CCDC6: variants seen among roughly 807,000 people sequenced by gnomAD.
The protein encoded by CCDC6 is coiled-coil domain-containing protein 6.
CCDC6 carries 20 observed loss-of-function variants against 56.6 expected under a neutral mutation model. The ratio of observed to expected loss-of-function variants is 0.35; its 90% CI spans 0.25 to 0.51. The LOEUF is 0.51. Ranked by LOEUF, CCDC6 falls within the 20% of genes least tolerant of loss-of-function variation. The pLI is 0.95. For synonymous variants in CCDC6, 241 were observed against 234.4 expected, an observed-to-expected ratio of 1.03 and a Z score of -0.26; for missense variants, 367 against 601.1, an observed-to-expected ratio of 0.61 and a Z score of 4.07.
At chr10:59,794,925 C>A (rs1462858259) in intron 7 of CCDC6, among the ~76,000 whole-genome samples, 1 of 152,114 alleles carries the variant, frequency 6.6e-6, no homozygotes, top group Middle Eastern at 3.2e-3. Flanking sequence ...AGGAGTGACA[C>A]TGGACCTTAT....
intron 1 of CCDC6, among the ~76,000 whole-genome samples, chr10:59,853,378 C>T (rs1273195973): frequency 1.3e-5 from 2 of 151,788 alleles, no homozygotes; most frequent in Non-Finnish European, 2.9e-5. Flanking sequence ...ATAAAAAATA[C>T]AAAAAATTAG....
intron 3 of CCDC6, among the ~76,000 whole-genome samples, chr10:59,818,935 T>C (rs926415564): frequency 3.3e-5 from 5 of 152,216 alleles, no homozygotes; most frequent in African/African-American, 1.2e-4. Context: ...GAGGAGGTGC[T>C]CCTTACAATT....
intron 1 of CCDC6, among the ~76,000 whole-genome samples, chr10:59,905,461 T>C (rs986993428): frequency 7.9e-5 from 12 of 152,184 alleles, no homozygotes; most frequent in Non-Finnish European, 1.5e-4. Flanking sequence ...CAGGCGTGGA[T>C]GCTGCACTCT....
chr10:59,891,720 T>C (rs1159653321), intron 1 of CCDC6, among the ~76,000 whole-genome samples: 1 of 152,214 alleles, frequency 6.6e-6, no homozygotes, highest in Admixed American at 6.5e-5. Flanking sequence ...CCCACAACTC[T>C]GATGGATAGA....
At chr10:59,898,663 T>C (rs1406523784) in intron 1 of CCDC6, among the ~76,000 whole-genome samples, 1 of 152,252 alleles carries the variant, frequency 6.6e-6, no homozygotes. Flanking sequence ...ATCCTCGCTA[T>C]GCTACCGGGA....
At chr10:59,885,060 T>TAAC (rs34281702) in intron 1 of CCDC6, among the ~76,000 whole-genome samples, 115,531 of 148,104 alleles carry the variant, frequency 0.78, 45,216 homozygotes, top group East Asian at 0.9. Context: ...CGAGACTCCG[T>TAAC]AACAACAACA....
chr10:59,895,911 T>G (rs1018949840), intron 1 of CCDC6, among the ~76,000 whole-genome samples: 1 of 152,202 alleles, frequency 6.6e-6, no homozygotes, highest in Non-Finnish European at 1.5e-5. Context: ...GCCCTGTGGA[T>G]AGGCGACCAT....
At chr10:59,808,108 T>C (rs2070641986) in intron 5 of CCDC6, among the ~76,000 whole-genome samples, 1 of 152,118 alleles carries the variant, frequency 6.6e-6, no homozygotes, top group Admixed American at 6.5e-5. Context: ...ATCTTGCTTA[T>C]GACAAATACC....
chr10:59,795,027 G>A (rs1490842387), intron 7 of CCDC6, among the ~76,000 whole-genome samples: 1 of 151,756 alleles, frequency 6.6e-6, no homozygotes, highest in Non-Finnish European at 1.5e-5. Flanking sequence ...GAAAATAGGG[G>A]AAAAGCTCCC....
At chr10:59,795,746 G>A (rs546562227) in intron 7 of CCDC6, among the ~76,000 whole-genome samples, 18 of 151,354 alleles carry the variant, frequency 1.2e-4, no homozygotes, top group Admixed American at 8.6e-4. Flanking sequence ...TTGTCCTTGC[G>A]ATAGTTTACT....
chr10:59,816,122 G>A (rs2070707941), intron 3 of CCDC6, among the ~76,000 whole-genome samples: 1 of 152,146 alleles, frequency 6.6e-6, no homozygotes, highest in South Asian at 2.1e-4. Context: ...CAGGAGCACA[G>A]GACAGCCAAT....
intron 1 of CCDC6, among the ~76,000 whole-genome samples, chr10:59,884,820 T>C (rs749557560): frequency 9.2e-5 from 14 of 152,108 alleles, no homozygotes; most frequent in Non-Finnish European, 1.5e-4. Context: ...TCCCAGCACT[T>C]TGGGAGGCCG....
intron 3 of CCDC6, among the ~76,000 whole-genome samples, chr10:59,825,417 TCC>T (rs2070780466): frequency 6.6e-6 from 1 of 152,026 alleles, no homozygotes; most frequent in Non-Finnish European, 1.5e-5. Context: ...CTTCCCCAGC[TCC>T]AAGGAACTAA....
intron 2 of CCDC6, among the ~76,000 whole-genome samples, chr10:59,839,700 A>G (rs958103932): frequency 6.6e-6 from 1 of 152,102 alleles, no homozygotes; most frequent in East Asian, 1.9e-4. Context: ...GCATTCTTTC[A>G]TATCCAGCTT....
chr10:59,869,389 CAAAAAAAAAAAAA>C lies in CCDC6; in HGVS notation c.304-16700_304-16688del, dbSNP rs1167007522. Among the ~76,000 whole-genome samples, 14 of 6,100 alleles carry C rather than the reference CAAAAAAAAAAAAA, an allele frequency of 2.3e-3. No individual in the cohort carries two copies. The South Asian group carries it at 0.062, about 27-fold the overall frequency. 4.0% of individuals were successfully genotyped at this position (6,100 alleles called of 152,430 possible). ...GCAGTGAGACATGGACTTGCTCAGG[CAAAAAAAAAAAAA>C]AAAAAAAAAAAAAAAAACAGAAAAA... On this transcript the variant is annotated intron_variant, in intron 1 of 8. Transcript: ENST00000263102.
At chr10:59,882,024 C>CGGGGGGAGAAGGAAA (rs2071341141) in intron 1 of CCDC6, among the ~76,000 whole-genome samples, 1 of 48,254 alleles carries the variant, frequency 2.1e-5, no homozygotes, top group Non-Finnish European at 3.7e-5. Flanking sequence ...AAAGGAAAGC[C>CGGGGGGAGAAGGAAA]GCGGGGAGAA....
At chr10:59,834,037 A>G (rs907877639) in intron 2 of CCDC6, among the ~76,000 whole-genome samples, 4 of 152,138 alleles carry the variant, frequency 2.6e-5, no homozygotes, top group Non-Finnish European at 5.9e-5. Flanking sequence ...GTGCACCTGG[A>G]AAGCCAAATG....
chr10:59,878,404 C>A (rs1472138506), intron 1 of CCDC6, among the ~76,000 whole-genome samples: 1 of 152,184 alleles, frequency 6.6e-6, no homozygotes, highest in Non-Finnish European at 1.5e-5. Context: ...CACCTTCCTT[C>A]CCTTTCCTTT....
At chr10:59,891,313 A>G (rs2132682432) in intron 1 of CCDC6, among the ~76,000 whole-genome samples, 1 of 152,348 alleles carries the variant, frequency 6.6e-6, no homozygotes, top group East Asian at 1.9e-4. Flanking sequence ...CAGTTAATGA[A>G]TAAAATTGAA....
Sources: allele counts gnomAD v4.1 joint callset (sites outside exome capture counted in the v4.1 genomes callset), GRCh38; gene constraint gnomAD v4.1.1; transcripts MANE v1.5; gene names NCBI Gene and HGNC (gene_info 2026-07-23, HGNC 2026-07-21).